VPS53: variants seen among roughly 807,000 people sequenced by gnomAD.
VPS53 encodes vacuolar protein sorting-associated protein 53 homolog.
In VPS53, 70 loss-of-function variants were observed where a neutral mutation model predicts 107.0. The ratio of observed to expected loss-of-function variants is 0.65; its 90% confidence interval spans 0.54 to 0.80. VPS53 has a LOEUF of 0.80. VPS53 is among the 30% of genes least tolerant of loss of function. The pLI is 0.00. For synonymous variants in VPS53, 409 were observed against 393.3 expected, an observed-to-expected ratio of 1.04 and a Z score of -0.47; for missense variants, 917 against 1,049.4, an observed-to-expected ratio of 0.87 and a Z score of 1.74.
intron 13 of VPS53, among the ~76,000 whole-genome samples, chr17:572,305 G>GGT (rs1041055336): frequency 1.3e-5 from 2 of 150,554 alleles, no homozygotes; most frequent in African/African-American, 4.9e-5. Flanking sequence ...CCCTCTGCCC[G>GGT]GCAACCGCCC....
chr17:574,764 AAAAT>A (rs1337218808), intron 13 of VPS53, among the ~76,000 whole-genome samples: 2 of 152,196 alleles, frequency 1.3e-5, no homozygotes, highest in Non-Finnish European at 2.9e-5. Flanking sequence ...CCCCGTCTCA[AAAAT>A]AAATAAATAA....
At chr17:607,106 C>G (rs992548670) in intron 11 of VPS53, among the ~76,000 whole-genome samples, 3 of 152,178 alleles carry the variant, frequency 2.0e-5, no homozygotes, top group African/African-American at 7.2e-5. Flanking sequence ...CAAGGGGAAG[C>G]TTTGAGCAGT....
At chr17:699,501 TGA>T in intron 2 of VPS53, 121 bp from the exon 3 acceptor site, 1 of 734,052 alleles carries the variant, frequency 1.4e-6, no homozygotes, top group South Asian at 3.9e-5. Flanking sequence ...TCACATGATA[TGA>T]GTTTTGCTTT....
intron 7 of VPS53, among the ~76,000 whole-genome samples, chr17:640,888 C>T (rs7221591): frequency 2.4e-4 from 37 of 152,018 alleles, no homozygotes; most frequent in African/African-American, 7.7e-4. Context: ...AAGTCTCACT[C>T]TTGTCTCCCA....
chr17:617,089 T>C (rs1305801821), intron 11 of VPS53, among the ~76,000 whole-genome samples: 1 of 152,192 alleles, frequency 6.6e-6, no homozygotes. Context: ...CGTCCGGTTA[T>C]CTGGATTACC....
At chr17:531,634 G>C (rs1243559561) in intron 19 of VPS53, among the ~76,000 whole-genome samples, 2 of 152,028 alleles carry the variant, frequency 1.3e-5, no homozygotes, top group Non-Finnish European at 2.9e-5. Context: ...GAGCAGCTGG[G>C]ACTACAGGTG....
At chr17:620,814 G>A (rs1259567431) in intron 11 of VPS53, among the ~76,000 whole-genome samples, 1 of 151,764 alleles carries the variant, frequency 6.6e-6, no homozygotes, top group Non-Finnish European at 1.5e-5. Flanking sequence ...TGTCACGGTA[G>A]CCAGGCTGCT....
At chr17:552,005 G>T in intron 16 of VPS53, 55 bp from the exon 17 acceptor site, 2 of 1,471,216 alleles carry the variant, frequency 1.4e-6, no homozygotes, top group South Asian at 1.2e-5. Context: ...CCGTCTGAAT[G>T]ACTGACACTC....
chr17:521,486 G>C (rs1908740050), intron 20 of VPS53, 115 bp downstream of exon 20: 1 of 1,215,724 alleles, frequency 8.2e-7, no homozygotes, highest in South Asian at 2.6e-5. Context: ...GCCCAAGAAT[G>C]TGGACCATGC....
Position 515,407 on chromosome 17 carries a change from T to C in VPS53, c.*3721A>G, listed in dbSNP as rs1908230366. On this transcript the variant is annotated 3_prime_UTR_variant, in exon 22 of 22. Coordinates refer to ENST00000437048, the MANE Select transcript of VPS53 (RefSeq NM_001128159.3). ...CCACCACGCCTGGCTAATTTTGTATTTTTAGTAAAGACAGGGTTTCACCAT... is the reference window on the plus strand; with the variant it reads ...CCACCACGCCTGGCTAATTTTGTATCTTTAGTAAAGACAGGGTTTCACCAT... 6.6e-6 allele frequency: 1 copy of C among 152,112 alleles called. No individual in the cohort carries two copies. The highest frequency in any genetic ancestry group is 6.6e-5 in the Admixed American group (1 of 15,260). The allele number at this position is 152,112 out of a possible 1,614,324, so 9.4% of individuals were successfully genotyped here.
At chr17:689,736 A>T (rs1972714778) in intron 4 of VPS53, among the ~76,000 whole-genome samples, 1 of 152,038 alleles carries the variant, frequency 6.6e-6, no homozygotes, top group Non-Finnish European at 1.5e-5. Flanking sequence ...CGCCTCCCAA[A>T]GTGTTGGGAT....
chr17:662,013 T>G (rs1971456315), intron 4 of VPS53, 118 bp from the exon 5 acceptor site: 3 of 929,764 alleles, frequency 3.2e-6, no homozygotes, highest in Non-Finnish European at 4.8e-6. Flanking sequence ...TTCATTGTAC[T>G]TATGCCAACA....
chr17:551,182 T>G (rs565261482), intron 17 of VPS53, among the ~76,000 whole-genome samples: 1 of 151,896 alleles, frequency 6.6e-6, no homozygotes, highest in Admixed American at 6.6e-5. Flanking sequence ...ACTTACGGAA[T>G]TGACATTCAT....
At chr17:537,679 G>T (rs1381326271) in intron 17 of VPS53, 1 of 153,170 alleles carries the variant, frequency 6.5e-6, no homozygotes, top group Non-Finnish European at 1.5e-5. Context: ...AACTAGAAAT[G>T]ATATGACACG....
At chr17:539,727 C>A (rs1910451489) in intron 17 of VPS53, among the ~76,000 whole-genome samples, 1 of 152,148 alleles carries the variant, frequency 6.6e-6, no homozygotes, top group Admixed American at 6.5e-5. Flanking sequence ...GTTTGGGTCA[C>A]AACCTGAACT....
At chr17:712,197 T>TTC (rs1012619430) in intron 1 of VPS53, among the ~76,000 whole-genome samples, 4 of 122,400 alleles carry the variant, frequency 3.3e-5, no homozygotes, top group Admixed American at 1.7e-4. Flanking sequence ...TTTTTTTTTT[T>TTC]CGAGATGGAG....
At chr17:529,457 T>G (rs957143190) in intron 19 of VPS53, among the ~76,000 whole-genome samples, 1 of 152,092 alleles carries the variant, frequency 6.6e-6, no homozygotes, top group African/African-American at 2.4e-5. Context: ...TATAGATAAA[T>G]TGATACAGTA....
intron 12 of VPS53, among the ~76,000 whole-genome samples, chr17:597,332 C>T (rs999694234): frequency 1.3e-5 from 2 of 152,120 alleles, no homozygotes; most frequent in African/African-American, 4.8e-5. Flanking sequence ...GTCCCTCCCC[C>T]ACCCCAAGAG....
chr17:541,729 C>CCTACTA (rs1910688246), intron 17 of VPS53, among the ~76,000 whole-genome samples: 4 of 149,992 alleles, frequency 2.7e-5, no homozygotes, highest in African/African-American at 4.9e-5. Context: ...TTATCAAGCA[C>CCTACTA]CGACTACGCA....
Sources: allele counts gnomAD v4.1 joint callset (sites outside exome capture counted in the v4.1 genomes callset), GRCh38; gene constraint gnomAD v4.1.1; transcripts MANE v1.5; gene names NCBI Gene and HGNC (gene_info 2026-07-23, HGNC 2026-07-21).